Variants in IQGAP2 observed in about 807,000 individuals in gnomAD.
The protein encoded by IQGAP2 is ras GTPase-activating-like protein IQGAP2.
A neutral mutation model predicts 201.3 loss-of-function variants in IQGAP2; 173 were observed. The ratio of observed to expected loss-of-function variants is 0.86; its 90% CI spans 0.76 to 0.98. The LOEUF (loss-of-function observed/expected upper bound fraction) is 0.98. Among genes scored for constraint, IQGAP2 ranks in the 50% least tolerant of loss-of-function variants. The pLI is 0.00. For synonymous variants in IQGAP2, 675 were observed against 673.9 expected (o/e 1.00, Z -0.03); for missense variants, 1,687 against 1,864.8 (o/e 0.90, Z 1.76).
intron 1 of IQGAP2, among the ~76,000 whole-genome samples, chr5:76,440,812 T>A (rs1752980726): frequency 6.6e-6 from 1 of 152,050 alleles, no homozygotes; most frequent in South Asian, 2.1e-4. Context: ...GGCGGACGGA[T>A]CATGAAGTCA....
chr5:76,446,914 G>A (rs115877338), intron 1 of IQGAP2, among the ~76,000 whole-genome samples: 2,907 of 152,286 alleles, frequency 0.019, 103 homozygotes, highest in African/African-American at 0.065. Context: ...TTTCCCTCTG[G>A]CCTGTGTTTT....
At chr5:76,491,194 A>G (rs1185830353) in intron 2 of IQGAP2, among the ~76,000 whole-genome samples, 1 of 152,154 alleles carries the variant, frequency 6.6e-6, no homozygotes, top group East Asian at 1.9e-4. Context: ...TGATGAAACT[A>G]TTCATGTTCT....
At chr5:76,675,054 C>A (rs2150493853) in intron 27 of IQGAP2, among the ~76,000 whole-genome samples, 1 of 152,288 alleles carries the variant, frequency 6.6e-6, no homozygotes, top group Middle Eastern at 3.4e-3. Flanking sequence ...CTGCTTCTTT[C>A]AACTTAAGAA....
At chr5:76,680,896 G>A (rs1221704595) in intron 28 of IQGAP2, among the ~76,000 whole-genome samples, 2 of 151,474 alleles carry the variant, frequency 1.3e-5, no homozygotes, top group East Asian at 3.9e-4. Flanking sequence ...CTTGAGGCCA[G>A]GAGTTCAAGA....
chr5:76,496,233 G>A (rs1756883038), intron 2 of IQGAP2, among the ~76,000 whole-genome samples: 1 of 152,180 alleles, frequency 6.6e-6, no homozygotes, highest in South Asian at 2.1e-4. Flanking sequence ...GCTCAGAAAT[G>A]TGGGCATAGC....
chr5:76,429,582 T>TTATATATATATATATATATATATATTTA (rs70982604), intron 1 of IQGAP2, among the ~76,000 whole-genome samples: 8 of 120,714 alleles, frequency 6.6e-5, no homozygotes, highest in African/African-American at 1.9e-4. Flanking sequence ...AAAAAAAAAT[T>TTATATATATATATATATATATATATTTA]TATATATATA....
At chr5:76,509,099 A>G (rs903053741) in intron 2 of IQGAP2, among the ~76,000 whole-genome samples, 1 of 151,762 alleles carries the variant, frequency 6.6e-6, no homozygotes, top group African/African-American at 2.4e-5. Flanking sequence ...GTGTGTATAT[A>G]TATATTTCAT....
chr5:76,552,778 G>A (rs1743648295), intron 2 of IQGAP2, among the ~76,000 whole-genome samples: 1 of 152,068 alleles, frequency 6.6e-6, no homozygotes, highest in Non-Finnish European at 1.5e-5. Context: ...ACAGTTTGGG[G>A]AAGCTTGCCA....
intron 20 of IQGAP2, among the ~76,000 whole-genome samples, chr5:76,656,336 C>T (rs1025184621): frequency 2.0e-5 from 3 of 152,096 alleles, no homozygotes; most frequent in African/African-American, 4.8e-5. Context: ...CGCCCACCAC[C>T]GCACCCAGCT....
intron 1 of IQGAP2, among the ~76,000 whole-genome samples, chr5:76,406,894 G>A (rs1327065537): frequency 2.0e-5 from 3 of 152,190 alleles, no homozygotes; most frequent in Non-Finnish European, 4.4e-5. Context: ...ATGTTTCACT[G>A]TTTGCTTCTT....
rs1403721996 is a variant in IQGAP2 at position 76,707,580 on chromosome 5, G to A, written c.*267G>A. The A allele has an allele frequency of 1.0e-5, 3 of 300,414 alleles. No homozygotes were observed. The highest frequency in any genetic ancestry group is 1.8e-5 in the Non-Finnish European group (3 of 163,896). The allele number at this position is 300,414 out of a possible 1,614,324, so 18.6% of individuals were successfully genotyped here. A position where few individuals can be genotyped will look rare whatever the true frequency, so the allele number is the denominator to read the frequency against. On this transcript the variant is annotated 3_prime_UTR_variant, in exon 36 of 36. Transcript: ENST00000274364. The stretch of plus-strand genomic sequence containing the variant: ...TGATTTAAAACTTTGGACATCCTGT[G>A]ATCTGTTTTAAAGTTGGGGGGTGGG...
intron 2 of IQGAP2, among the ~76,000 whole-genome samples, chr5:76,496,753 C>CTTTCTTTCTTTCT (rs1561416430): frequency 0.017 from 1,133 of 65,384 alleles, 38 homozygotes; most frequent in Admixed American, 0.025. Context: ...TTCTTTCTTT[C>CTTTCTTTCTTTCT]TTTCTTTCTT....
Position 76,662,255 on chromosome 5 carries a change from C to T in IQGAP2, c.2530-2771C>T, listed in dbSNP as rs183298206. On this transcript the variant is annotated intron_variant, in intron 21 of 35. Transcript: ENST00000274364. ...GGTGCTGTTCCATCAGCACAGCCAC[C>T]GGCCCGTCCTCTCTCTTCCCCTTTC... 4.6e-5 allele frequency among the ~76,000 whole-genome samples: 7 copies of T among 152,342 alleles called. No homozygotes were observed. In the East Asian group the frequency reaches 7.7e-4, roughly 17 times the overall value.
At chr5:76,427,608 C>T (rs1752082962) in intron 1 of IQGAP2, among the ~76,000 whole-genome samples, 1 of 152,170 alleles carries the variant, frequency 6.6e-6, no homozygotes, top group East Asian at 1.9e-4. Context: ...TTCCCTAGAA[C>T]AGTGCTTCCC....
intron 2 of IQGAP2, among the ~76,000 whole-genome samples, chr5:76,480,327 C>G (rs1192484514): frequency 6.6e-6 from 1 of 152,148 alleles, no homozygotes; most frequent in African/African-American, 2.4e-5. Context: ...TCAAACATGG[C>G]CCTTCTTTCT....
chr5:76,594,414 G>A (rs1501787), intron 9 of IQGAP2, among the ~76,000 whole-genome samples: 33,358 of 151,934 alleles, frequency 0.22, 3,799 homozygotes, highest in South Asian at 0.39. Context: ...TTTCCTGACC[G>A]CAAATTTAAT....
chr5:76,478,355 C>T (rs531950244), intron 2 of IQGAP2, among the ~76,000 whole-genome samples: 4 of 152,246 alleles, frequency 2.6e-5, no homozygotes, highest in East Asian at 1.9e-4. Flanking sequence ...GAGCCGAGAT[C>T]GTGCCACTGC....
At chr5:76,554,488 A>G (rs1196410475) in intron 2 of IQGAP2, among the ~76,000 whole-genome samples, 1 of 152,210 alleles carries the variant, frequency 6.6e-6, no homozygotes, top group Admixed American at 6.5e-5. Flanking sequence ...AAATAATTCA[A>G]CTAAAACATG....
chr5:76,494,113 T>G (rs765347157), intron 2 of IQGAP2, among the ~76,000 whole-genome samples: 5 of 152,222 alleles, frequency 3.3e-5, no homozygotes, highest in Non-Finnish European at 7.3e-5. Flanking sequence ...ATTGTTGTCT[T>G]GTTAGTTTTG....
Sources: allele counts gnomAD v4.1 joint callset (sites outside exome capture counted in the v4.1 genomes callset), GRCh38; gene constraint gnomAD v4.1.1; transcripts MANE v1.5; gene names NCBI Gene and HGNC (gene_info 2026-07-23, HGNC 2026-07-21).